The following GRID2 variants were observed in gnomAD, a reference collection of about 807,000 sequenced individuals.
GRID2 encodes glutamate ionotropic receptor delta type subunit 2.
In GRID2, 33 loss-of-function variants were observed where a neutral mutation model predicts 114.8. The ratio of observed to expected loss-of-function variants is 0.29; its 90% confidence interval spans 0.22 to 0.38. The LOEUF (loss-of-function observed/expected upper bound fraction) is 0.38. Ranked by LOEUF, GRID2 falls within the 10% of genes least tolerant of loss-of-function variation. The pLI, the probability that GRID2 is intolerant of heterozygous loss-of-function variation, is 1.00. For missense variants in GRID2, 1,184 were observed against 1,257.7 expected (o/e 0.94, Z 0.89); for synonymous variants, 505 against 449.9 (o/e 1.12, Z -1.55).
At chr4:92,892,992 T>G (rs1343406377) in intron 2 of GRID2, among the ~76,000 whole-genome samples, 2 of 152,222 alleles carry the variant, frequency 1.3e-5, no homozygotes, top group Non-Finnish European at 2.9e-5. Context: ...AGAAATGCAT[T>G]CTTTTTATAG....
intron 1 of GRID2, among the ~76,000 whole-genome samples, chr4:92,320,321 T>G (rs1375059886): frequency 6.6e-6 from 1 of 152,178 alleles, no homozygotes; most frequent in African/African-American, 2.4e-5. Flanking sequence ...ACGTTAATAG[T>G]GTCATTTCCT....
chr4:93,203,110 T>G (rs1478544717), intron 4 of GRID2, among the ~76,000 whole-genome samples: 2 of 152,152 alleles, frequency 1.3e-5, no homozygotes, highest in Non-Finnish European at 2.9e-5. Context: ...CTACCATTAC[T>G]GATATCAGTT....
chr4:93,295,739 A>T (rs1754233567), intron 8 of GRID2, among the ~76,000 whole-genome samples: 1 of 152,150 alleles, frequency 6.6e-6, no homozygotes, highest in African/African-American at 2.4e-5. Context: ...CTCTCTTTTA[A>T]TGTCAATTAT....
chr4:92,569,136 C>A (rs1727488301), intron 1 of GRID2, among the ~76,000 whole-genome samples: 1 of 151,928 alleles, frequency 6.6e-6, no homozygotes, highest in Admixed American at 6.6e-5. Context: ...CCACACCCTC[C>A]AACAGGCCCC....
intron 2 of GRID2, among the ~76,000 whole-genome samples, chr4:92,819,281 C>T (rs148079764): frequency 6.4e-4 from 97 of 152,186 alleles, no homozygotes; most frequent in African/African-American, 2.2e-3. Flanking sequence ...TCACAAATCT[C>T]CACCACAGAC....
intron 8 of GRID2, among the ~76,000 whole-genome samples, chr4:93,292,154 C>T (rs1753823433): frequency 6.6e-6 from 1 of 152,106 alleles, no homozygotes; most frequent in South Asian, 2.1e-4. Context: ...TTGAATGAAA[C>T]TTATGTTGTA....
intron 10 of GRID2, among the ~76,000 whole-genome samples, chr4:93,433,827 T>C (rs1332545424): frequency 6.6e-6 from 1 of 152,206 alleles, no homozygotes; most frequent in African/African-American, 2.4e-5. Context: ...TTCCACACTT[T>C]TCAAGCCTCA....
intron 8 of GRID2, among the ~76,000 whole-genome samples, chr4:93,360,238 T>C (rs887554517): frequency 6.6e-6 from 1 of 152,036 alleles, no homozygotes; most frequent in Non-Finnish European, 1.5e-5. Flanking sequence ...ATTAGTGTTA[T>C]GTTCCTTTTT....
At chr4:92,451,051 A>G (rs969534846) in intron 1 of GRID2, among the ~76,000 whole-genome samples, 1 of 152,060 alleles carries the variant, frequency 6.6e-6, no homozygotes, top group African/African-American at 2.4e-5. Context: ...TTTCAATGCA[A>G]TGCACTTTTG....
intron 2 of GRID2, among the ~76,000 whole-genome samples, chr4:93,061,103 AAAATAAAT>A (rs58943728): frequency 0.1 from 14,635 of 143,824 alleles, 853 homozygotes; most frequent in Admixed American, 0.12. Flanking sequence ...ACTCCATCTC[AAAATAAAT>A]AAATAAATAA....
intron 13 of GRID2, among the ~76,000 whole-genome samples, chr4:93,558,343 G>C (rs764886465): frequency 5.3e-5 from 8 of 151,898 alleles, no homozygotes; most frequent in South Asian, 2.1e-4. Flanking sequence ...CTACTAGCCA[G>C]ACTAATAAAG....
At chr4:93,046,872 A>G (rs1217614540) in intron 2 of GRID2, among the ~76,000 whole-genome samples, 1 of 151,948 alleles carries the variant, frequency 6.6e-6, no homozygotes, top group Non-Finnish European at 1.5e-5. Context: ...ACAGGAAAGA[A>G]GAGACACATT....
chr4:92,742,627 G>A (rs989714331), intron 2 of GRID2, among the ~76,000 whole-genome samples: 1 of 151,968 alleles, frequency 6.6e-6, no homozygotes, highest in African/African-American at 2.4e-5. Flanking sequence ...TTTGATTTTT[G>A]GTCTTCACTG....
In GRID2 at chr4:93,678,839, A is replaced by C. The variant is rs564315307; in HGVS notation, c.2360+52404A>C. Among the ~76,000 whole-genome samples, 37 of 151,448 alleles carry C rather than the reference A, an allele frequency of 2.4e-4. 3 individuals are homozygous for C. Among genetic ancestry groups the C allele is most frequent in the East Asian group, 5.8e-4 (3 of 5,188 alleles). ...TGCAAAATCATGCCAAAATGTAAAG[A>C]CCATCGAGACTAGGAAGAAACTGCA... On this transcript the variant is annotated intron_variant, in intron 14 of 15. Transcript: ENST00000282020.
intron 8 of GRID2, among the ~76,000 whole-genome samples, chr4:93,276,423 T>C (rs1332605251): frequency 4.6e-5 from 7 of 152,000 alleles, no homozygotes; most frequent in Non-Finnish European, 1.0e-4. Flanking sequence ...ATGTTGACTC[T>C]TCTGAGTCTC....
intron 8 of GRID2, among the ~76,000 whole-genome samples, chr4:93,297,709 T>G (rs1754463382): frequency 6.6e-6 from 1 of 152,244 alleles, no homozygotes; most frequent in Non-Finnish European, 1.5e-5. Flanking sequence ...AGCTACATAG[T>G]ATTGGCTAAT....
intron 4 of GRID2, among the ~76,000 whole-genome samples, chr4:93,204,465 G>T (rs936907094): frequency 6.6e-6 from 1 of 152,072 alleles, no homozygotes; most frequent in Non-Finnish European, 1.5e-5. Context: ...AATTTATACT[G>T]CTAAAATATC....
chr4:92,599,568 A>G (rs928808718), intron 2 of GRID2, among the ~76,000 whole-genome samples: 1 of 152,142 alleles, frequency 6.6e-6, no homozygotes, highest in Non-Finnish European at 1.5e-5. Context: ...TCAAAAACAC[A>G]TGATATCATG....
chr4:92,881,735 A>G (rs954868161), intron 2 of GRID2, among the ~76,000 whole-genome samples: 1 of 152,186 alleles, frequency 6.6e-6, no homozygotes, highest in African/African-American at 2.4e-5. Context: ...ATAGGAAATG[A>G]ATGTTGAGAA....
Sources: allele counts gnomAD v4.1 joint callset (sites outside exome capture counted in the v4.1 genomes callset), GRCh38; gene constraint gnomAD v4.1.1; transcripts MANE v1.5; gene names NCBI Gene and HGNC (gene_info 2026-07-23, HGNC 2026-07-21).